SHLD1: variants seen among roughly 807,000 people sequenced by gnomAD.
SHLD1 encodes the protein RINN1-REV7-interacting novel NHEJ regulator 3.
Under a neutral mutation model 5.5 loss-of-function variants are expected in SHLD1, and 3 were observed. The observed-to-expected ratio is 0.54, with a 90% CI of 0.25 to 1.40. The LOEUF (loss-of-function observed/expected upper bound fraction) is 1.40, where lower values mean the gene tolerates loss of function less well. SHLD1 is among the 40% of genes most tolerant of loss of function. The pLI, the probability that SHLD1 is intolerant of heterozygous loss-of-function variation, is 0.15. For synonymous variants in SHLD1, 92 were observed against 94.3 expected, an observed-to-expected ratio of 0.98 and a Z score of 0.14; for missense variants, 210 against 244.4, an observed-to-expected ratio of 0.86 and a Z score of 0.94.
chr20:5,791,630 G>A (rs73077323), intron 2 of SHLD1, among the ~76,000 whole-genome samples: 13,711 of 147,568 alleles, frequency 0.093, 836 homozygotes, highest in Non-Finnish European at 0.13. Context: ...GCCAAACATT[G>A]ATAAATTGGA....
At chr20:5,808,623 A>G (rs1010549316) in intron 2 of SHLD1, among the ~76,000 whole-genome samples, 1 of 152,232 alleles carries the variant, frequency 6.6e-6, no homozygotes, top group Non-Finnish European at 1.5e-5. Context: ...CGAGATGTCT[A>G]TTGATGGATG....
intron 2 of SHLD1, among the ~76,000 whole-genome samples, chr20:5,823,906 T>C (rs566873509): frequency 6.6e-6 from 1 of 152,200 alleles, no homozygotes; most frequent in East Asian, 1.9e-4. Context: ...CACCACCTCC[T>C]CCACTCTACC....
intron 2 of SHLD1, among the ~76,000 whole-genome samples, chr20:5,812,148 C>G (rs2087468573): frequency 1.3e-5 from 2 of 150,522 alleles, no homozygotes; most frequent in Non-Finnish European, 1.5e-5. Flanking sequence ...TAAAAACAAC[C>G]TATACCAATA....
chr20:5,837,259 C>T lies in SHLD1; in HGVS notation c.179-25765C>T, dbSNP rs562949498. 1.5e-3 allele frequency among the ~76,000 whole-genome samples: 234 copies of T among 152,300 alleles called. 1 individual carries two copies. Among genetic ancestry groups the T allele is most frequent in the Non-Finnish European group, 2.1e-3 (141 of 68,040 alleles). ...TTAGGAGTATTGGCCTCCCCTCCGCCCACCACCTGCAATAATTTTTGACTC... is the reference window on the plus strand; with the variant it reads ...TTAGGAGTATTGGCCTCCCCTCCGCTCACCACCTGCAATAATTTTTGACTC... On this transcript the variant is annotated intron_variant, in intron 2 of 2. Transcript: ENST00000303142.
Position 5,839,486 on chromosome 20 carries a change from AAGATAGATAGATAGAT to A in SHLD1, c.179-23513_179-23498del, listed in dbSNP as rs3058152. Among the ~76,000 whole-genome samples the A allele has an allele frequency of 3.8e-3, 573 of 150,002 alleles. 3 individuals carry two copies. The highest frequency in any genetic ancestry group is 0.012 in the African/African-American group (492 of 40,802). ...TGGATGAATGGATAAATTAGATAGA[AAGATAGATAGATAGAT>A]AGATAGATAGATAGATAGATAGATG... On this transcript the variant is annotated intron_variant, in intron 2 of 2. Coordinates refer to ENST00000303142, the MANE Select transcript of SHLD1 (RefSeq NM_152504.4).
At position 5,863,198 on chromosome 20, in the gene SHLD1, C is replaced by G; in HGVS notation, c.353C>G (p.Ser118Cys). Residue 118 changes from serine to cysteine, a missense_variant, in exon 3 of 3, where the codon TCT becomes TGT. By Grantham distance (112) the Ser-to-Cys change is moderately radical. Coordinates refer to ENST00000303142, the MANE Select transcript of SHLD1 (RefSeq NM_152504.4). ...CAGCCAGGCTCTGCAAACTCACTCTCTGCATCTGTCTGCAAGTGCCTGTCT... is the reference window on the plus strand; with the variant it reads ...CAGCCAGGCTCTGCAAACTCACTCTGTGCATCTGTCTGCAAGTGCCTGTCT... Reference protein sequence around the residue: ...HPQPGSANSLSASVCKCLSQK... With the variant: ...HPQPGSANSLCASVCKCLSQK... 1 of 1,614,182 alleles carries G rather than the reference C, an allele frequency of 6.2e-7. No homozygotes were observed. Among genetic ancestry groups the G allele is most frequent in the Non-Finnish European group, 8.5e-7 (1 of 1,180,012 alleles).
intron 2 of SHLD1, among the ~76,000 whole-genome samples, chr20:5,815,073 C>T (rs548883007): frequency 9.2e-5 from 14 of 152,154 alleles, no homozygotes; most frequent in Non-Finnish European, 2.9e-5. Context: ...TTCCAGAAGC[C>T]ATTCATGCCT....
intron 2 of SHLD1, among the ~76,000 whole-genome samples, chr20:5,818,858 C>CCTCTGTTTTG (rs1240522238): frequency 6.6e-6 from 1 of 151,994 alleles, no homozygotes; most frequent in African/African-American, 2.4e-5. Context: ...GCAGTGTCCA[C>CCTCTGTTTTG]TTCTGTTTTG....
At chr20:5,824,583 C>A (rs867653278) in intron 2 of SHLD1, among the ~76,000 whole-genome samples, 70 of 150,416 alleles carry the variant, frequency 4.7e-4, no homozygotes, top group African/African-American at 1.7e-3. Flanking sequence ...ATTATTATTT[C>A]TCTTCTATGA....
At chr20:5,828,321 T>TGTGTAGAAG (rs11087698) in intron 2 of SHLD1, among the ~76,000 whole-genome samples, 1 of 151,620 alleles carries the variant, frequency 6.6e-6, no homozygotes, top group Non-Finnish European at 1.5e-5. Flanking sequence ...CTTAGAACAG[T>TGTGTAGAAG]GTGATAGGTC....
Position 5,823,348 on chromosome 20 carries a change from A to G in SHLD1, c.179-39676A>G, listed in dbSNP as rs112313272. Among the ~76,000 whole-genome samples the G allele has an allele frequency of 7.3e-3, 1,105 of 151,728 alleles. 7 individuals are homozygous for G. The highest frequency in any genetic ancestry group is 0.026 in the African/African-American group (1,071 of 41,326). ...GACAGGATTTTGGCATGTTGGCCAG[A>G]TTGGTCTCAAACTCCTGACCTCAAG... On this transcript the variant is annotated intron_variant, in intron 2 of 2. Coordinates refer to ENST00000303142, the MANE Select transcript of SHLD1 (RefSeq NM_152504.4).
At chr20:5,850,952 C>T (rs1205989022) in intron 2 of SHLD1, among the ~76,000 whole-genome samples, 1 of 152,218 alleles carries the variant, frequency 6.6e-6, no homozygotes, top group Non-Finnish European at 1.5e-5. Context: ...AAGTGGGCCA[C>T]TTTGGAAGGC....
chr20:5,821,118 A>G (rs1265045861), intron 2 of SHLD1, among the ~76,000 whole-genome samples: 1 of 152,260 alleles, frequency 6.6e-6, no homozygotes, highest in East Asian at 1.9e-4. Context: ...ATAAAAATTT[A>G]TAGATCCATC....
At chr20:5,759,538 G>A (rs1165262564) in intron 1 of SHLD1, among the ~76,000 whole-genome samples, 1 of 151,972 alleles carries the variant, frequency 6.6e-6, no homozygotes, top group Non-Finnish European at 1.5e-5. Context: ...TGGGATTACG[G>A]TCTAAAAATT....
intron 2 of SHLD1, among the ~76,000 whole-genome samples, chr20:5,775,923 A>ATTTTTTTTCTT (rs1985403108): frequency 2.6e-5 from 2 of 77,678 alleles, no homozygotes; most frequent in African/African-American, 1.2e-4. Flanking sequence ...TCAGCTCAGG[A>ATTTTTTTTCTT]TTTTTTTTTT....
chr20:5,766,681 G>T (rs1434034581), intron 1 of SHLD1, among the ~76,000 whole-genome samples: 1 of 152,110 alleles, frequency 6.6e-6, no homozygotes. Flanking sequence ...ACAATGCCTG[G>T]CCTCTAACAA....
chr20:5,804,983 A>G (rs1448065652), intron 2 of SHLD1, among the ~76,000 whole-genome samples: 2 of 152,242 alleles, frequency 1.3e-5, no homozygotes, highest in Non-Finnish European at 2.9e-5. Flanking sequence ...AGCTGAAGGA[A>G]AAACAAGAGT....
intron 2 of SHLD1, among the ~76,000 whole-genome samples, chr20:5,828,167 C>T (rs1054445462): frequency 1.2e-4 from 18 of 152,158 alleles, no homozygotes; most frequent in Admixed American, 2.0e-4. Context: ...TAGTCACTGT[C>T]ATCTCCTCTG....
intron 1 of SHLD1, chr20:5,765,120 T>C (rs746052372): frequency 1.3e-5 from 2 of 152,252 alleles, no homozygotes; most frequent in African/African-American, 2.4e-5. Flanking sequence ...TTGCCCAGGC[T>C]GGTCTTGAAC....
Sources: allele counts gnomAD v4.1 joint callset (sites outside exome capture counted in the v4.1 genomes callset), GRCh38; gene constraint gnomAD v4.1.1; transcripts MANE v1.5; gene names NCBI Gene and HGNC (gene_info 2026-07-23, HGNC 2026-07-21).